PLEKHM2: variants seen among roughly 807,000 people sequenced by gnomAD.
PLEKHM2 encodes pleckstrin homology domain-containing family M member 2.
PLEKHM2 carries 77 observed loss-of-function variants against 116.3 expected under a neutral mutation model. That is an observed-to-expected ratio of 0.66 (90% CI 0.55 to 0.80). The LOEUF is 0.80. Among genes scored for constraint, PLEKHM2 ranks in the 30% least tolerant of loss-of-function variants. The probability of loss-of-function intolerance (pLI) is 0.00; values close to 1 mark genes in which losing one functional copy is unlikely to be tolerated. For missense variants in PLEKHM2, 1,183 were observed against 1,354.9 expected, an observed-to-expected ratio of 0.87 and a Z score of 1.99; for synonymous variants, 562 against 571.0, an observed-to-expected ratio of 0.98 and a Z score of 0.22.
intron 1 of PLEKHM2, 89 bp downstream of exon 1, chr1:15,684,707 G>A: frequency 2.5e-6 from 1 of 396,476 alleles, no homozygotes; most frequent in Non-Finnish European, 3.3e-6. Context: ...GGGGCCCCCC[G>A]CCCTTCCCCT....
chr1:15,719,945 C>G lies in PLEKHM2; in HGVS notation c.652+25C>G, dbSNP rs1158464649. The stretch of plus-strand genomic sequence containing the variant: ...GGTGAGTGGCCCCAGGGCAGAAAAG[C>G]TAAGCCCCTGTTGTGAAACAGACTT... On this transcript the variant is annotated intron_variant, in intron 6 of 19. Coordinates refer to ENST00000375799, the MANE Select transcript of PLEKHM2 (RefSeq NM_015164.4). The surrounding 1 kb of genome is among the most constrained non-coding windows in gnomAD (Gnocchi z 4.1). The G allele has an allele frequency of 6.3e-7, 1 of 1,588,742 alleles. No individual in the cohort carries two copies. Among genetic ancestry groups the G allele is most frequent in the Non-Finnish European group, 8.6e-7 (1 of 1,162,256 alleles).
intron 1 of PLEKHM2, among the ~76,000 whole-genome samples, chr1:15,692,045 C>T (rs984121012): frequency 4.0e-5 from 6 of 151,552 alleles, no homozygotes; most frequent in African/African-American, 1.2e-4. Flanking sequence ...CCCAGAAGTT[C>T]GAGGCTGCAG....
intron 17 of PLEKHM2, 135 bp from the exon 18 acceptor site, chr1:15,732,215 C>T (rs1035361826): frequency 1.6e-5 from 15 of 944,352 alleles, no homozygotes; most frequent in South Asian, 3.3e-5. Context: ...CCCCCATCCC[C>T]GCCTCTGCTC....
rs1383722311 is a variant in PLEKHM2, at chr1:15,727,980, G to A, written c.1761-99G>A. On this transcript the variant is annotated intron_variant, in intron 9 of 19. Transcript: ENST00000375799. This position sits in a 1 kb window ranked among gnomAD's most constrained non-coding sequence, Gnocchi z 7.5. ...CCTCCCTCCCTAACTTTGGCTCCTA[G>A]TGGGAGGCGGAGGCACTACCCCCTG... 3 of 1,232,314 alleles carry A rather than the reference G, an allele frequency of 2.4e-6. No individual in the cohort carries two copies. The highest frequency in any genetic ancestry group is 3.5e-6 in the Non-Finnish European group (3 of 856,368). The allele number at this position is 1,232,314 out of a possible 1,614,324, so 76.3% of individuals were successfully genotyped here.
chr1:15,699,203 G>C (rs1641061909), intron 1 of PLEKHM2, among the ~76,000 whole-genome samples: 1 of 151,832 alleles, frequency 6.6e-6, no homozygotes, highest in South Asian at 2.1e-4. Flanking sequence ...TTAATTTCTA[G>C]GGTACATGTG....
chr1:15,725,973 C>T (rs2068059271), intron 8 of PLEKHM2: 1 of 182,078 alleles, frequency 5.5e-6, no homozygotes, highest in Non-Finnish European at 1.2e-5. Flanking sequence ...CTCATCACCC[C>T]CCACCCCCTG....
At chr1:15,696,957 G>A (rs1641010812) in intron 1 of PLEKHM2, among the ~76,000 whole-genome samples, 1 of 152,124 alleles carries the variant, frequency 6.6e-6, no homozygotes, top group Non-Finnish European at 1.5e-5. Flanking sequence ...GTCCCCCCAG[G>A]ATCCCCCAGC....
chr1:15,732,002 A>G lies in PLEKHM2; in HGVS notation c.2579A>G (p.Glu860Gly). 6.2e-7 allele frequency: 1 copy of G among 1,612,394 alleles called. No individual in the cohort carries two copies. Among genetic ancestry groups the G allele is most frequent in the Non-Finnish European group, 8.5e-7 (1 of 1,179,672 alleles). Reference protein sequence around the residue: ...CLELSAESEAEMAEWMQHLCQ... With the variant: ...CLELSAESEAGMAEWMQHLCQ... The stretch of plus-strand genomic sequence containing the variant: ...GAGCTAAGTGCCGAGAGCGAGGCCG[A>G]GATGGCCGAGTGGATGCAGCATCTC... The change falls in exon 17 of 20, where the codon GAG becomes GGG. Residue 860 changes from glutamate (E) to glycine (G), a missense_variant. Around this residue, in one of 3 missense-constraint regions of PLEKHM2, gnomAD observed 594 missense variants for 720.1 expected, o/e 0.82. Transcript: ENST00000375799.
rs139235270 is a variant in PLEKHM2, at chr1:15,696,371, C to T, written c.60+11753C>T. Among the ~76,000 whole-genome samples the T allele has an allele frequency of 5.6e-4, 85 of 152,208 alleles. No homozygotes were observed. In the East Asian group the frequency reaches 0.01, roughly 18 times the overall value. On this transcript the variant is annotated intron_variant, in intron 1 of 19. Transcript: ENST00000375799. ...TTTATTGTTTTGTTTTGTTTTGAGA[C>T]GGAGTTTTGCTCTTCTTGCCCAGGC...
At chr1:15,696,630 C>T (rs144397954) in intron 1 of PLEKHM2, among the ~76,000 whole-genome samples, 1,547 of 152,316 alleles carry the variant, frequency 0.01, 27 homozygotes, top group African/African-American at 0.033. Flanking sequence ...GGATTACAGG[C>T]ATGAGCCACC....
intron 2 of PLEKHM2, 36 bp from the exon 3 acceptor site, chr1:15,716,671 A>G: frequency 6.4e-7 from 1 of 1,551,076 alleles, no homozygotes; most frequent in Non-Finnish European, 8.7e-7. Context: ...GGGTGGCCCC[A>G]TGCAGGTCAC....
At chr1:15,699,495 A>G (rs953599689) in intron 1 of PLEKHM2, among the ~76,000 whole-genome samples, 13 of 152,158 alleles carry the variant, frequency 8.5e-5, no homozygotes, top group Admixed American at 5.9e-4. Flanking sequence ...TTCCAGCTGC[A>G]TCCATATCCC....
chr1:15,705,204 G>A (rs1035200355), intron 1 of PLEKHM2, among the ~76,000 whole-genome samples: 6 of 140,304 alleles, frequency 4.3e-5, no homozygotes, highest in African/African-American at 1.1e-4. Flanking sequence ...TTTTGAGATG[G>A]GGTCTCACTC....
intron 1 of PLEKHM2, among the ~76,000 whole-genome samples, chr1:15,689,300 G>C (rs1243907554): frequency 1.3e-5 from 2 of 151,036 alleles, no homozygotes; most frequent in African/African-American, 2.4e-5. Context: ...AGAAAGAGAA[G>C]AAGCAGGCAT....
intron 3 of PLEKHM2, 103 bp from the exon 4 acceptor site, chr1:15,717,790 G>A: frequency 1.4e-6 from 1 of 726,000 alleles, no homozygotes; most frequent in Non-Finnish European, 2.4e-6. Context: ...TGAAGTGCCT[G>A]GTCCCATTAC....
intron 1 of PLEKHM2, among the ~76,000 whole-genome samples, chr1:15,698,203 TTTTA>T (rs1180179480): frequency 6.6e-6 from 1 of 151,106 alleles, no homozygotes; most frequent in Non-Finnish European, 1.5e-5. Flanking sequence ...TTAATATTAT[TTTTA>T]TTTTTTATTT....
At chr1:15,700,373 A>G (rs1462767591) in intron 1 of PLEKHM2, among the ~76,000 whole-genome samples, 1 of 152,176 alleles carries the variant, frequency 6.6e-6, no homozygotes, top group Non-Finnish European at 1.5e-5. Context: ...CTCCAGAAGT[A>G]GCTACCCCTG....
chr1:15,695,314 C>T (rs1640972979), intron 1 of PLEKHM2, among the ~76,000 whole-genome samples: 1 of 152,192 alleles, frequency 6.6e-6, no homozygotes, highest in Non-Finnish European at 1.5e-5. Context: ...ATTGTTCACA[C>T]TTTTGCTCCA....
chr1:15,701,592 A>G (rs1220137022), intron 1 of PLEKHM2, among the ~76,000 whole-genome samples: 1 of 152,184 alleles, frequency 6.6e-6, no homozygotes, highest in Non-Finnish European at 1.5e-5. Context: ...GATCGTGACC[A>G]TCCTGGCTAA....
Sources: gnomAD v4.1 joint callset for allele counts (sites outside exome capture counted in the v4.1 genomes callset) on GRCh38, gnomAD v4.1.1 for gene constraint, gnomAD v4.1.1 regional missense constraint, Gnocchi (gnomAD v3.1) non-coding constraint, MANE v1.5 for transcripts, NCBI Gene and HGNC (gene_info 2026-07-23, HGNC 2026-07-21) for gene names.